PICK1: variants seen among roughly 807,000 people sequenced by gnomAD.
PICK1 encodes the protein protein interacting with PRKCA 1.
A neutral mutation model predicts 48.9 loss-of-function variants in PICK1; 23 were observed. The observed-to-expected ratio is 0.47, with a 90% CI of 0.34 to 0.67. The LOEUF (loss-of-function observed/expected upper bound fraction) is 0.67, where lower values mean the gene tolerates loss of function less well. Ranked by LOEUF, PICK1 falls within the 30% of genes least tolerant of loss-of-function variation. PICK1 has a pLI of 0.01. For synonymous variants in PICK1, 217 were observed against 228.2 expected (o/e 0.95, Z 0.44); for missense variants, 423 against 557.1 (o/e 0.76, Z 2.42).
rs773828780 is a variant in PICK1, at chr22:38,073,838, G to A, written c.834+15G>A. On this transcript the variant is annotated intron_variant, in intron 11 of 12. Coordinates refer to ENST00000356976, the MANE Select transcript of PICK1 (RefSeq NM_012407.4). This position sits in a 1 kb window ranked among gnomAD's most constrained non-coding sequence, Gnocchi z 5.7. ...ACAGCTGCATTGTGAGTGTTGGAGGGGGTGGGGGGCTTGTACTTCCCCCCA... is the reference window on the plus strand; with the variant it reads ...ACAGCTGCATTGTGAGTGTTGGAGGAGGTGGGGGGCTTGTACTTCCCCCCA... 4.3e-6 allele frequency: 7 copies of A among 1,612,690 alleles called. No homozygotes were observed. The South Asian group carries it at 7.7e-5, about 18-fold the overall frequency.
rs2085792878 is a variant in PICK1 at position 38,074,714 on chromosome 22, C to T, written c.980-150C>T. 2 of 1,125,486 alleles carry T rather than the reference C, an allele frequency of 1.8e-6. No individual in the cohort carries two copies. The highest frequency in any genetic ancestry group is 1.5e-5 in the African/African-American group (1 of 64,974). 69.7% of individuals were successfully genotyped at this position (1,125,486 alleles called of 1,614,324 possible). A position where few individuals can be genotyped will look rare whatever the true frequency, so the allele number is the denominator to read the frequency against. On this transcript the variant is annotated intron_variant, in intron 12 of 12. Coordinates refer to ENST00000356976, the MANE Select transcript of PICK1 (RefSeq NM_012407.4). The surrounding 1 kb of genome is among the most constrained non-coding windows in gnomAD (Gnocchi z 4.5). ...CCCCGGGCTGGGCGGCCCCTGCCTC[C>T]GCCCCTTGCCAGGTCATGAGGGGTC...
At chr22:38,067,457 C>T (rs529231570) in intron 4 of PICK1, 246 of 434,498 alleles carry the variant, frequency 5.7e-4, no homozygotes, top group Admixed American at 1.5e-3. Context: ...TACAGGCACG[C>T]GCCACTACGC....
intron 1 of PICK1, 59 bp from the exon 2 acceptor site, chr22:38,057,694 G>C: frequency 1.2e-6 from 1 of 846,676 alleles, no homozygotes; most frequent in Admixed American, 1.9e-5. Flanking sequence ...GAGGGGTGGC[G>C]TTGGCATTTA....
intron 2 of PICK1, 77 bp downstream of exon 2, chr22:38,057,927 C>G: frequency 8.6e-7 from 1 of 1,157,324 alleles, no homozygotes; most frequent in Non-Finnish European, 1.3e-6. Flanking sequence ...CCCAGTCCCA[C>G]AGACCCTTGC....
chr22:38,072,542 G>A lies in PICK1; in HGVS notation c.622G>A (p.Val208Met). Reference sequence around the variant, plus strand: ...CCAGCCAGCTGCGAGCGAGGCTTTTGTGAAGTTCGCCGATGCCCACCGCAG... The same window carrying A: ...CCAGCCAGCTGCGAGCGAGGCTTTTATGAAGTTCGCCGATGCCCACCGCAG... ...EPQPAASEAF[V>M]KFADAHRSIE... Residue 208 changes from valine to methionine, a missense_variant, in exon 9 of 13, where the codon GTG (valine) becomes ATG (methionine). Val to Met is a conservative substitution (Grantham distance 21). Transcript: ENST00000356976. 6.2e-7 allele frequency: 1 copy of A among 1,613,580 alleles called. No individual in the cohort carries two copies. The highest frequency in any genetic ancestry group is 2.2e-5 in the East Asian group (1 of 44,878).
At chr22:38,064,036 G>T (rs2085467372) in intron 3 of PICK1, among the ~76,000 whole-genome samples, 1 of 152,016 alleles carries the variant, frequency 6.6e-6, no homozygotes, top group Non-Finnish European at 1.5e-5. Flanking sequence ...TTAGGTCTTT[G>T]AACAATTTTG....
intron 2 of PICK1, among the ~76,000 whole-genome samples, chr22:38,058,492 T>C (rs982948780): frequency 6.6e-6 from 1 of 152,116 alleles, no homozygotes; most frequent in Non-Finnish European, 1.5e-5. Context: ...GTGGCCATCA[T>C]ACTACATAGA....
At chr22:38,070,998 A>G (rs2085666439) in intron 7 of PICK1, 107 bp downstream of exon 7, 1 of 853,030 alleles carries the variant, frequency 1.2e-6, no homozygotes, top group Non-Finnish European at 2.0e-6. Context: ...CCTACAAAAT[A>G]CTAGGACCAT....
rs531291006 is a variant in PICK1 at position 38,071,069 on chromosome 22, T to G, written c.493+178T>G. ...TGAATTTAAAAATAACTCAGGGGCC[T>G]GGTGCAGTGGCTCACGCCTGTAATC... On this transcript the variant is annotated intron_variant, in intron 7 of 12. Transcript: ENST00000356976. Among the ~76,000 whole-genome samples the G allele has an allele frequency of 2.0e-5, 3 of 152,302 alleles. No homozygotes were observed. In the East Asian group the frequency reaches 5.8e-4, roughly 29 times the overall value.
At chr22:38,071,793 G>C in intron 8 of PICK1, 49 bp downstream of exon 8, 1 of 1,503,246 alleles carries the variant, frequency 6.7e-7, no homozygotes, top group Non-Finnish European at 9.3e-7. Context: ...AATCCCTGGG[G>C]CCTCTCACTC....
Position 38,069,058 on chromosome 22 carries a change from G to T in PICK1, c.375G>T (p.Leu125=), listed in dbSNP as rs2085606388. Residue 125 remains leucine (L), a synonymous_variant, in exon 6 of 13, where the codon CTG becomes CTT. Transcript: ENST00000356976. ...TGTTGAAGAAAGTCAAGCACCGGCT[G>T]GTGGAGAACATGAGTTCAGGGACCG... The part of the protein sequence containing the change: ...DIVLKKVKHR[L]VENMSSGTAD... The T allele has an allele frequency of 1.9e-6, 3 of 1,613,306 alleles. No homozygotes were observed. Among genetic ancestry groups the T allele is most frequent in the Non-Finnish European group, 2.5e-6 (3 of 1,179,772 alleles).
At chr22:38,071,000 T>C (rs1467046464) in intron 7 of PICK1, 109 bp downstream of exon 7, 22 of 839,372 alleles carry the variant, frequency 2.6e-5, no homozygotes, top group Non-Finnish European at 4.1e-6. Flanking sequence ...TACAAAATAC[T>C]AGGACCATGG....
chr22:38,061,070 G>A (rs906053600), intron 3 of PICK1, among the ~76,000 whole-genome samples: 3 of 151,886 alleles, frequency 2.0e-5, no homozygotes, highest in Non-Finnish European at 2.9e-5. Flanking sequence ...GGCCGGGTGC[G>A]GTGGCTCACA....
At chr22:38,059,420 A>G in intron 3 of PICK1, 75 bp downstream of exon 3, 2 of 984,898 alleles carry the variant, frequency 2.0e-6, no homozygotes, top group Middle Eastern at 2.1e-4. Context: ...ATTTCTCCAC[A>G]CTGCATAGCT....
intron 9 of PICK1, 62 bp downstream of exon 9, chr22:38,072,672 T>C (rs2085730297): frequency 1.3e-6 from 2 of 1,599,430 alleles, no homozygotes; most frequent in Non-Finnish European, 1.7e-6. Context: ...GAGTGTGGCA[T>C]GCAGAGAAGG....
rs1490524333 is a variant in PICK1, at chr22:38,075,180, G to A, written c.*48G>A. The A allele has an allele frequency of 1.9e-6, 3 of 1,571,510 alleles. No individual in the cohort carries two copies. The Admixed American group carries it at 5.3e-5, about 28-fold the overall frequency. The stretch of plus-strand genomic sequence containing the variant: ...GGGGCAGGGTGCGTGGGAGGACGGA[G>A]CCTGGGAGCGGGGCGGGGCCGCCGC... On this transcript the variant is annotated 3_prime_UTR_variant, in exon 13 of 13. Coordinates refer to ENST00000356976, the MANE Select transcript of PICK1 (RefSeq NM_012407.4).
At chr22:38,063,193 G>T (rs1233572028) in intron 3 of PICK1, among the ~76,000 whole-genome samples, 1 of 150,046 alleles carries the variant, frequency 6.7e-6, no homozygotes, top group African/African-American at 2.5e-5. Context: ...ATCTTGCTCT[G>T]TCGCCCAGGC....
At chr22:38,061,295 C>T (rs738441) in intron 3 of PICK1, among the ~76,000 whole-genome samples, 47,061 of 151,796 alleles carry the variant, frequency 0.31, 7,469 homozygotes, top group East Asian at 0.4. Context: ...AAGCCGAGAT[C>T]GTGCCATTGC....
chr22:38,068,165 C>T (rs765856900), intron 5 of PICK1: 69 of 465,812 alleles, frequency 1.5e-4, no homozygotes, highest in Admixed American at 8.7e-4. Flanking sequence ...TCTAGCACAG[C>T]GCACTCCTCC....
Sources: gnomAD v4.1 joint callset for allele counts (sites outside exome capture counted in the v4.1 genomes callset) on GRCh38, gnomAD v4.1.1 for gene constraint, Gnocchi (gnomAD v3.1) non-coding constraint, MANE v1.5 for transcripts, NCBI Gene and HGNC (gene_info 2026-07-23, HGNC 2026-07-21) for gene names.